Variants in KIF27 observed in about 807,000 individuals in gnomAD.
The protein encoded by KIF27 is kinesin family member 27, also known as kinesin-like protein KIF27.
KIF27 carries 84 observed loss-of-function variants against 141.8 expected under a neutral mutation model. That is an observed-to-expected ratio of 0.59 (90% confidence interval 0.50 to 0.71). KIF27 has a LOEUF of 0.71. Ranked by LOEUF, KIF27 falls within the 30% of genes least tolerant of loss-of-function variation. The pLI is 0.00. For synonymous variants in KIF27, 471 were observed against 569.5 expected, an observed-to-expected ratio of 0.83 and a Z score of 2.46; for missense variants, 1,306 against 1,628.4, an observed-to-expected ratio of 0.80 and a Z score of 3.41.
intron 3 of KIF27, among the ~76,000 whole-genome samples, chr9:83,904,813 T>C (rs2132607603): frequency 6.6e-6 from 1 of 152,234 alleles, no homozygotes; most frequent in South Asian, 2.1e-4. Flanking sequence ...AGCTTTTATG[T>C]TTTTTGGTAT....
At chr9:83,920,834 GAAAT>G (rs1956191078) in intron 1 of KIF27, among the ~76,000 whole-genome samples, 1 of 100,394 alleles carries the variant, frequency 1.0e-5, no homozygotes, top group African/African-American at 3.6e-5. Flanking sequence ...TCTACGGTAG[GAAAT>G]GCGCCCAAGT....
chr9:83,881,880 C>T (rs1357844256), intron 10 of KIF27, among the ~76,000 whole-genome samples: 2 of 152,172 alleles, frequency 1.3e-5, no homozygotes, highest in African/African-American at 4.8e-5. Flanking sequence ...GTCTTTTGCA[C>T]TTATTTCATA....
intron 3 of KIF27, among the ~76,000 whole-genome samples, 180 bp from the exon 4 acceptor site, chr9:83,904,198 GA>G (rs1172629963): frequency 1.3e-5 from 2 of 152,162 alleles, no homozygotes; most frequent in African/African-American, 2.4e-5. Context: ...ATCTCCCAAA[GA>G]AACTATTTTA....
intron 3 of KIF27, among the ~76,000 whole-genome samples, chr9:83,907,118 G>A (rs1215830787): frequency 2.0e-5 from 3 of 151,610 alleles, no homozygotes; most frequent in Non-Finnish European, 2.9e-5. Flanking sequence ...GTGAAACCCT[G>A]TCTCTACTAA....
At chr9:83,866,436 C>T (rs1001621982) in intron 13 of KIF27, among the ~76,000 whole-genome samples, 2 of 152,122 alleles carry the variant, frequency 1.3e-5, no homozygotes, top group African/African-American at 4.8e-5. Context: ...AATAAGCTCT[C>T]ATCTATTTGC....
At chr9:83,891,188 A>T (rs1419048849) in intron 6 of KIF27, 107 bp downstream of exon 6, 3 of 852,742 alleles carry the variant, frequency 3.5e-6, no homozygotes, top group East Asian at 5.1e-5. Flanking sequence ...AAATTCCATA[A>T]AATCAAACAA....
Position 83,908,368 on chromosome 9 carries a change from T to C in KIF27, c.499+84A>G, listed in dbSNP as rs1393859327. ...TTCTGCATCTGTTTTTAAAGATTCC[T>C]TGGAATATATCCAGAAACTTAATTA... is the stretch of plus-strand genomic sequence containing the variant. On this transcript the variant is annotated intron_variant, in intron 3 of 17. Coordinates refer to ENST00000297814, the MANE Select transcript of KIF27 (RefSeq NM_017576.4). The C allele has an allele frequency of 8.5e-6, 6 of 707,264 alleles. No homozygotes were observed. In the African/African-American group the frequency reaches 9.1e-5, roughly 11 times the overall value. The allele number at this position is 707,264 out of a possible 1,614,324, so 43.8% of individuals were successfully genotyped here.
rs1293435642 is a variant in KIF27 at position 83,836,204 on chromosome 9, C to T, written c.*797G>A. On this transcript the variant is annotated 3_prime_UTR_variant, in exon 18 of 18. Transcript: ENST00000297814. ...GCTTTACAGACATACTCCATGTGAC[C>T]AGAGATGTCATAACCAGTGTTCTTT... Among the ~76,000 whole-genome samples the T allele has an allele frequency of 6.6e-6, 1 of 152,068 alleles. No individual in the cohort carries two copies. The highest frequency in any genetic ancestry group is 1.5e-5 in the Non-Finnish European group (1 of 68,024).
In KIF27 at chr9:83,903,721, T is replaced by C. The variant is rs1382476055; in HGVS notation, c.797A>G (p.Gln266Arg). 5.6e-6 allele frequency: 9 copies of C among 1,614,102 alleles called. No homozygotes were observed. Among genetic ancestry groups the C allele is most frequent in the African/African-American group, 1.3e-5 (1 of 74,938 alleles). Residue 266 changes from glutamine (Q) to arginine (R), a missense_variant, in exon 4 of 18, where the codon CAA becomes CGA. Coordinates refer to ENST00000297814, the MANE Select transcript of KIF27 (RefSeq NM_017576.4). ...NTGERFKESI[Q>R]INSGLLALGN... ...TAAAGCCAGCAATCCACTATTGATTTGAATGGATTCTTTGAACCGTTCACC... is the reference window on the plus strand; with the variant it reads ...TAAAGCCAGCAATCCACTATTGATTCGAATGGATTCTTTGAACCGTTCACC...
rs1945917389 is a variant in KIF27 at position 83,836,949 on chromosome 9, T to C, written c.*52A>G. On this transcript the variant is annotated 3_prime_UTR_variant, in exon 18 of 18. Transcript: ENST00000297814. ...AACTTGAGCTTTAGTTTTTAACAGG[T>C]TAGAAAAAGGAATCTTTTTACATAT... The C allele has an allele frequency of 6.4e-7, 1 of 1,555,994 alleles. No individual in the cohort carries two copies. Among genetic ancestry groups the C allele is most frequent in the African/African-American group, 1.4e-5 (1 of 72,852 alleles).
chr9:83,893,109 C>T (rs1451116221), intron 5 of KIF27, among the ~76,000 whole-genome samples: 1 of 152,126 alleles, frequency 6.6e-6, no homozygotes, highest in Non-Finnish European at 1.5e-5. Context: ...TTGTGGTGTG[C>T]ACCTGTGGTC....
intron 2 of KIF27, among the ~76,000 whole-genome samples, chr9:83,910,229 A>T (rs1209161174): frequency 6.6e-6 from 1 of 152,008 alleles, no homozygotes; most frequent in Admixed American, 6.6e-5. Context: ...GATATTCACT[A>T]CTACTAGTGG....
chr9:83,848,070 G>GATATATCATATATATGAT (rs10622451), intron 16 of KIF27, among the ~76,000 whole-genome samples: 1,215 of 43,198 alleles, frequency 0.028, 425 homozygotes, highest in Middle Eastern at 0.043. Context: ...TCATATATAT[G>GATATATCATATATATGAT]ATATATGATA....
At chr9:83,897,772 T>C (rs544652569) in intron 5 of KIF27, among the ~76,000 whole-genome samples, 1 of 151,878 alleles carries the variant, frequency 6.6e-6, no homozygotes, top group Admixed American at 6.6e-5. Context: ...GGTAACTCAA[T>C]AGAAAAACAA....
intron 13 of KIF27, among the ~76,000 whole-genome samples, chr9:83,862,594 G>A (rs1307555050): frequency 6.6e-6 from 1 of 152,174 alleles, no homozygotes; most frequent in Non-Finnish European, 1.5e-5. Flanking sequence ...AGTATAGTTT[G>A]AAGTCAGGTA....
intron 4 of KIF27, among the ~76,000 whole-genome samples, 158 bp from the exon 5 acceptor site, chr9:83,899,962 A>G (rs1274771725): frequency 1.3e-5 from 2 of 152,238 alleles, no homozygotes. Context: ...AGAAAGGCAG[A>G]AAGAGTTGAG....
chr9:83,878,182 AAAAAAAAGAGATACAACG>A (rs1951371977), intron 11 of KIF27, among the ~76,000 whole-genome samples: 1 of 86,446 alleles, frequency 1.2e-5, no homozygotes, highest in African/African-American at 7.1e-5. Flanking sequence ...AAAAAAAAAA[AAAAAAAAGAGATACAACG>A]ATACAACTTC....
chr9:83,884,173 A>C (rs1377293472), intron 9 of KIF27, among the ~76,000 whole-genome samples, 155 bp from the exon 10 acceptor site: 1 of 152,076 alleles, frequency 6.6e-6, no homozygotes, highest in African/African-American at 2.4e-5. Flanking sequence ...ACCCCCATCA[A>C]ACACAGCTTG....
rs765480764 is a variant in KIF27, at chr9:83,915,691, A to T, written c.-87-13T>A. On this transcript the variant is annotated splice_polypyrimidine_tract_variant and intron_variant, in intron 1 of 17. Coordinates refer to ENST00000297814, the MANE Select transcript of KIF27 (RefSeq NM_017576.4). The stretch of plus-strand genomic sequence containing the variant: ...AAGATCTGGATTCCTGTGCAACAAA[A>T]ATAAAAAGCAAATTTTAATTACTGA... 3.4e-5 allele frequency: 42 copies of T among 1,223,928 alleles called. No individual in the cohort carries two copies. The highest frequency in any genetic ancestry group is 5.5e-5 in the Admixed American group (2 of 36,408). 75.8% of individuals were successfully genotyped at this position (1,223,928 alleles called of 1,614,324 possible).
Sources: gnomAD v4.1 joint callset for allele counts (sites outside exome capture counted in the v4.1 genomes callset) on GRCh38, gnomAD v4.1.1 for gene constraint, MANE v1.5 for transcripts, NCBI Gene and HGNC (gene_info 2026-07-23, HGNC 2026-07-21) for gene names.